PHC3: variants seen among roughly 807,000 people sequenced by gnomAD.
PHC3 encodes the protein polyhomeotic homolog 3.
A neutral mutation model predicts 107.4 loss-of-function variants in PHC3; 13 were observed. The observed-to-expected ratio is 0.12, with a 90% confidence interval of 0.08 to 0.19. The LOEUF (loss-of-function observed/expected upper bound fraction) is 0.19, where lower values mean the gene tolerates loss of function less well. Ranked by LOEUF, PHC3 falls within the 10% of genes least tolerant of loss-of-function variation. PHC3 has a pLI of 1.00. For missense variants in PHC3, 992 were observed against 1,210.9 expected (o/e 0.82, Z 2.68); for synonymous variants, 456 against 427.4 (o/e 1.07, Z -0.83).
At chr3:170,172,225 AT>A (rs537407971) in intron 3 of PHC3, among the ~76,000 whole-genome samples, 7 of 152,142 alleles carry the variant, frequency 4.6e-5, no homozygotes, top group South Asian at 2.1e-4. Context: ...TACTTATATA[AT>A]TTTTTTAATC....
In PHC3 at chr3:170,133,701, T is replaced by C. The variant is rs958761288; in HGVS notation, c.919+2718A>G. On this transcript the variant is annotated intron_variant, in intron 7 of 14. Transcript: ENST00000495893. ...TGGACTTAAAACTGACCTGAGACTC[T>C]GGTGGTTTTGGCTTACTGGTTTCCT... 1.2e-4 allele frequency among the ~76,000 whole-genome samples: 18 copies of C among 152,180 alleles called. 1 individual carries two copies. Among genetic ancestry groups the C allele is most frequent in the Admixed American group, 7.2e-4 (11 of 15,272 alleles).
intron 11 of PHC3, among the ~76,000 whole-genome samples, chr3:170,112,314 G>A (rs555075328): frequency 9.9e-5 from 15 of 151,366 alleles, no homozygotes; most frequent in East Asian, 5.8e-4. Flanking sequence ...TGGTTCAAGC[G>A]ATTCTCCTGC....
rs1726943139 is a variant in PHC3, at chr3:170,156,609, T to G, written c.415-7365A>C. ...TTCTTTTTAAGAGACTACATGGTTTTTTTTTTGAGATGGAGTCTCACTCTG... is the reference window on the plus strand; with the variant it reads ...TTCTTTTTAAGAGACTACATGGTTTGTTTTTTGAGATGGAGTCTCACTCTG... On this transcript the variant is annotated intron_variant, in intron 4 of 14. Transcript: ENST00000495893. 5.9e-5 allele frequency among the ~76,000 whole-genome samples: 9 copies of G among 151,694 alleles called. No homozygotes were observed. The South Asian group carries it at 1.9e-3, about 32-fold the overall frequency.
At chr3:170,152,642 A>G (rs1187398824) in intron 4 of PHC3, among the ~76,000 whole-genome samples, 2 of 150,224 alleles carry the variant, frequency 1.3e-5, no homozygotes, top group East Asian at 2.0e-4. Flanking sequence ...CAAAATGTTC[A>G]TGCTCTGTCT....
chr3:170,136,705 G>A (rs969203750), intron 6 of PHC3, 40 bp from the exon 7 acceptor site: 1 of 1,593,254 alleles, frequency 6.3e-7, no homozygotes, highest in East Asian at 2.2e-5. Context: ...GAAAACAGAT[G>A]GTTTTAATTG....
intron 2 of PHC3, chr3:170,176,973 G>A (rs1260138303): frequency 7.0e-6 from 3 of 431,642 alleles, no homozygotes; most frequent in East Asian, 7.2e-5. Flanking sequence ...TAGAGTGGAA[G>A]GTCCATGCCC....
In PHC3 at chr3:170,128,717, T is replaced by C. The variant is rs1223986163; in HGVS notation, c.1755A>G (p.Gln585=). The change falls in exon 8 of 15, where the codon CAA becomes CAG. Residue 585 remains glutamine (Q), a synonymous_variant. Coordinates refer to ENST00000495893, the MANE Select transcript of PHC3 (RefSeq NM_024947.4). Reference sequence around the variant, plus strand: ...GATCAACAGGTGCTGGTGGTTGCACTTGTAGGTTTACCGCAACAGTCTGTG... The same window carrying C: ...GATCAACAGGTGCTGGTGGTTGCACCTGTAGGTTTACCGCAACAGTCTGTG... ...PPPQTVAVNL[Q]VQPPAPVDPP... 1.9e-6 allele frequency: 3 copies of C among 1,614,048 alleles called. No individual in the cohort carries two copies. The highest frequency in any genetic ancestry group is 1.7e-5 in the Admixed American group (1 of 60,016).
intron 9 of PHC3, among the ~76,000 whole-genome samples, chr3:170,121,043 T>C (rs538956699): frequency 4.6e-5 from 7 of 152,374 alleles, no homozygotes; most frequent in African/African-American, 1.7e-4. Flanking sequence ...CAAATGAGTG[T>C]GTGGCTATGT....
intron 4 of PHC3, among the ~76,000 whole-genome samples, chr3:170,163,724 A>G (rs1476061607): frequency 2.0e-5 from 3 of 151,834 alleles, no homozygotes; most frequent in African/African-American, 7.3e-5. Flanking sequence ...TTAGCCAGGC[A>G]TGGTGGTGGG....
At chr3:170,179,026 T>A (rs1362466631) in intron 1 of PHC3, 88 bp from the exon 2 acceptor site, 2 of 1,247,346 alleles carry the variant, frequency 1.6e-6, no homozygotes, top group Non-Finnish European at 2.3e-6. Context: ...TAATCAGCAG[T>A]AATCTAAACT....
At chr3:170,137,505 G>A (rs1723293281) in intron 6 of PHC3, among the ~76,000 whole-genome samples, 1 of 152,136 alleles carries the variant, frequency 6.6e-6, no homozygotes, top group Non-Finnish European at 1.5e-5. Context: ...GGCTAGCACT[G>A]GCCCTGGGAG....
intron 2 of PHC3, among the ~76,000 whole-genome samples, chr3:170,174,125 G>A (rs1011602018): frequency 6.6e-6 from 1 of 151,928 alleles, no homozygotes; most frequent in South Asian, 2.1e-4. Flanking sequence ...CCCAGGAGGT[G>A]GAGGCTGCAG....
intron 10 of PHC3, among the ~76,000 whole-genome samples, chr3:170,115,118 C>T (rs1419564303): frequency 1.3e-5 from 2 of 151,844 alleles, no homozygotes; most frequent in South Asian, 2.1e-4. Flanking sequence ...TACTAAGAAA[C>T]TTATTTAAAA....
chr3:170,098,667 T>A (rs1714975143), intron 14 of PHC3, among the ~76,000 whole-genome samples: 3 of 152,160 alleles, frequency 2.0e-5, no homozygotes, highest in Non-Finnish European at 4.4e-5. Context: ...ATACAAACAT[T>A]TTTTCCTGTG....
intron 10 of PHC3, among the ~76,000 whole-genome samples, chr3:170,115,773 T>G (rs561802760): frequency 6.6e-6 from 1 of 152,024 alleles, no homozygotes; most frequent in Non-Finnish European, 1.5e-5. Context: ...ATCAGAAAGT[T>G]TGAATGACTT....
Position 170,176,245 on chromosome 3 carries a change from AG to A in PHC3, c.180+2527del, listed in dbSNP as rs1281697125. ...GGTCTCAAAAAAAAAAAAAAAAAAAAGATCTAAATCCTTTTCCCTGTATCCC... is the reference window on the plus strand; with the variant it reads ...GGTCTCAAAAAAAAAAAAAAAAAAAAATCTAAATCCTTTTCCCTGTATCCC... On this transcript the variant is annotated intron_variant, in intron 2 of 14. Coordinates refer to ENST00000495893, the MANE Select transcript of PHC3 (RefSeq NM_024947.4). Among the ~76,000 whole-genome samples the A allele has an allele frequency of 1.6e-4, 24 of 151,440 alleles. No homozygotes were observed. The East Asian group carries it at 4.7e-3, about 29-fold the overall frequency.
intron 2 of PHC3, among the ~76,000 whole-genome samples, chr3:170,174,747 A>C (rs1730147546): frequency 6.6e-6 from 1 of 152,212 alleles, no homozygotes; most frequent in Admixed American, 6.5e-5. Flanking sequence ...CCAACTATAG[A>C]CTACTATGCC....
intron 7 of PHC3, among the ~76,000 whole-genome samples, chr3:170,131,358 C>T (rs1479557103): frequency 6.6e-6 from 1 of 152,070 alleles, no homozygotes; most frequent in Non-Finnish European, 1.5e-5. Context: ...AGTGCTTTCA[C>T]GTGTCTCTCA....
At chr3:170,128,594 C>A in intron 8 of PHC3, 90 bp downstream of exon 8, 1 of 1,434,498 alleles carries the variant, frequency 7.0e-7, no homozygotes, top group Non-Finnish European at 9.3e-7. Flanking sequence ...AGTTCACAGG[C>A]ATTTAGATCT....
Sources: gnomAD v4.1 joint callset for allele counts (sites outside exome capture counted in the v4.1 genomes callset) on GRCh38, gnomAD v4.1.1 for gene constraint, MANE v1.5 for transcripts, NCBI Gene and HGNC (gene_info 2026-07-23, HGNC 2026-07-21) for gene names.